The following ACAP2 variants were observed in gnomAD, a reference collection of about 807,000 sequenced individuals.
ACAP2 encodes the protein arf-GAP with coiled-coil, ANK repeat and PH domain-containing protein 2.
Under a neutral mutation model 115.8 loss-of-function variants are expected in ACAP2, and 39 were observed. The ratio of observed to expected loss-of-function variants is 0.34; its 90% CI spans 0.26 to 0.44. The LOEUF (loss-of-function observed/expected upper bound fraction) is 0.44, where lower values mean the gene tolerates loss of function less well. Ranked by LOEUF, ACAP2 falls within the 20% of genes least tolerant of loss-of-function variation. ACAP2 has a pLI of 1.00. For missense variants in ACAP2, 662 were observed against 927.6 expected, an observed-to-expected ratio of 0.71 and a Z score of 3.72; for synonymous variants, 289 against 315.8, an observed-to-expected ratio of 0.92 and a Z score of 0.90.
intron 4 of ACAP2, among the ~76,000 whole-genome samples, chr3:195,375,959 A>G (rs1733500079): frequency 6.6e-6 from 1 of 152,230 alleles, no homozygotes; most frequent in Non-Finnish European, 1.5e-5. Context: ...ATTAGAATCC[A>G]AAAGTGTCAT....
At chr3:195,414,068 C>T (rs1438961184) in intron 1 of ACAP2, among the ~76,000 whole-genome samples, 3 of 152,050 alleles carry the variant, frequency 2.0e-5, no homozygotes, top group East Asian at 1.9e-4. Context: ...AAAGATACTC[C>T]ACATAATATG....
At chr3:195,359,668 C>T (rs931318898) in intron 4 of ACAP2, among the ~76,000 whole-genome samples, 3 of 152,146 alleles carry the variant, frequency 2.0e-5, no homozygotes, top group Non-Finnish European at 2.9e-5. Context: ...GGGGCTTCAC[C>T]GTGTTAGCCA....
At chr3:195,347,411 G>A (rs1487516045) in intron 4 of ACAP2, among the ~76,000 whole-genome samples, 1 of 152,116 alleles carries the variant, frequency 6.6e-6, no homozygotes, top group Non-Finnish European at 1.5e-5. Context: ...TCTCAAAAAT[G>A]TTATTCCAAG....
intron 6 of ACAP2, among the ~76,000 whole-genome samples, chr3:195,341,255 C>T (rs1730845095): frequency 6.6e-6 from 1 of 151,722 alleles, no homozygotes; most frequent in Non-Finnish European, 1.5e-5. Flanking sequence ...TCACCAACAC[C>T]AAGCAACTTA....
intron 2 of ACAP2, among the ~76,000 whole-genome samples, chr3:195,386,083 T>C (rs954851463): frequency 6.6e-6 from 1 of 152,206 alleles, no homozygotes; most frequent in Non-Finnish European, 1.5e-5. Context: ...GACTGATACA[T>C]GCTACAACAT....
intron 3 of ACAP2, 148 bp downstream of exon 3, chr3:195,381,755 C>A: frequency 1.3e-6 from 1 of 791,498 alleles, no homozygotes; most frequent in African/African-American, 1.8e-5. Flanking sequence ...AAAACAGAAT[C>A]ATACAAGAGA....
intron 4 of ACAP2, among the ~76,000 whole-genome samples, chr3:195,365,523 T>C (rs1280709658): frequency 2.0e-5 from 3 of 151,892 alleles, no homozygotes; most frequent in Non-Finnish European, 4.4e-5. Flanking sequence ...GCTATGATCA[T>C]GCCCCTGCAC....
At position 195,388,820 on chromosome 3, in the gene ACAP2, G is replaced by A. The variant is rs546714497; in HGVS notation, c.111+3270C>T. Among the ~76,000 whole-genome samples the A allele has an allele frequency of 7.9e-5, 12 of 152,226 alleles. No homozygotes were observed. In the South Asian group the frequency reaches 1.5e-3, roughly 18 times the overall value. ...GCAGATCACCTGAGGTTAGGAGTTC[G>A]AGACCAGCCTGGCCAATATGGTGAA... is the stretch of plus-strand genomic sequence containing the variant. On this transcript the variant is annotated intron_variant, in intron 2 of 22. Coordinates refer to ENST00000326793, the MANE Select transcript of ACAP2 (RefSeq NM_012287.6).
intron 1 of ACAP2, among the ~76,000 whole-genome samples, chr3:195,424,245 G>A (rs868695758): frequency 4.3e-5 from 2 of 46,246 alleles, no homozygotes; most frequent in African/African-American, 1.6e-4. Context: ...TGTGTGTGTG[G>A]TGTGTGTGTG....
At chr3:195,347,499 A>G (rs1273952938) in intron 4 of ACAP2, among the ~76,000 whole-genome samples, 2 of 152,210 alleles carry the variant, frequency 1.3e-5, no homozygotes, top group East Asian at 1.9e-4. Flanking sequence ...TAGAAAAAGC[A>G]TAACTACTTT....
intron 20 of ACAP2, among the ~76,000 whole-genome samples, chr3:195,290,983 C>T (rs571220250): frequency 2.6e-5 from 4 of 152,174 alleles, no homozygotes; most frequent in African/African-American, 9.6e-5. Context: ...CAGTGCACTC[C>T]TGCCTAGGCA....
intron 1 of ACAP2, among the ~76,000 whole-genome samples, chr3:195,395,004 AC>A (rs1304481767): frequency 6.6e-6 from 1 of 151,036 alleles, no homozygotes; most frequent in Non-Finnish European, 1.5e-5. Flanking sequence ...GACACAAAGA[AC>A]AAAATCAATT....
chr3:195,429,378 C>CA (rs546876570), intron 1 of ACAP2, among the ~76,000 whole-genome samples: 32,091 of 88,728 alleles, frequency 0.36, 4,982 homozygotes, highest in East Asian at 0.75. Context: ...GACTCCATCT[C>CA]AAAAAAAAAA....
chr3:195,360,676 T>C (rs1380024232), intron 4 of ACAP2, among the ~76,000 whole-genome samples: 2 of 152,006 alleles, frequency 1.3e-5, no homozygotes, highest in African/African-American at 4.8e-5. Flanking sequence ...TGCCTGTAAT[T>C]CCAGCAGTTT....
chr3:195,304,515 C>T, intron 13 of ACAP2, among the ~76,000 whole-genome samples: 1 of 152,118 alleles, frequency 6.6e-6, no homozygotes, highest in East Asian at 1.9e-4. Context: ...CTGTCGCTGC[C>T]CCCCATCTCC....
chr3:195,401,032 T>G (rs555911169), intron 1 of ACAP2, among the ~76,000 whole-genome samples: 5 of 152,362 alleles, frequency 3.3e-5, no homozygotes, highest in African/African-American at 1.2e-4. Context: ...ACTCCGTCTC[T>G]GTAATTAACT....
rs1221705690 is a variant in ACAP2 at position 195,278,615 on chromosome 3, T to G, written c.*713A>C. On this transcript the variant is annotated 3_prime_UTR_variant, in exon 23 of 23. Coordinates refer to ENST00000326793, the MANE Select transcript of ACAP2 (RefSeq NM_012287.6). ...ACACATTTTGAACTGGGGTTTTTTT[T>G]TGTGATTAAAAAAAAAAAAGAGCTT... is the stretch of plus-strand genomic sequence containing the variant. The G allele has an allele frequency of 7.1e-5, 10 of 141,532 alleles. No individual in the cohort carries two copies. The highest frequency in any genetic ancestry group is 1.5e-4 in the Non-Finnish European group (10 of 65,782). 8.8% of individuals were successfully genotyped at this position (141,532 alleles called of 1,614,324 possible).
In ACAP2 at chr3:195,363,955, C is replaced by T. The variant is rs116820797; in HGVS notation, c.285+17054G>A. ...CCTATCTCTTGCCATATATAAATAT[C>T]AAATCAAAGTGGATTAAAGACTTTA... On this transcript the variant is annotated intron_variant, in intron 4 of 22. Coordinates refer to ENST00000326793, the MANE Select transcript of ACAP2 (RefSeq NM_012287.6). Among the ~76,000 whole-genome samples the T allele has an allele frequency of 6.0e-3, 919 of 152,226 alleles. 9 individuals carry two copies. Among genetic ancestry groups the T allele is most frequent in the African/African-American group, 0.021 (876 of 41,536 alleles).
intron 13 of ACAP2, among the ~76,000 whole-genome samples, chr3:195,302,962 C>T (rs1728165318): frequency 6.6e-6 from 1 of 152,014 alleles, no homozygotes; most frequent in Admixed American, 6.6e-5. Context: ...GTCTGTAATC[C>T]CAACACTTTG....
Sources: allele counts gnomAD v4.1 joint callset (sites outside exome capture counted in the v4.1 genomes callset), GRCh38; gene constraint gnomAD v4.1.1; transcripts MANE v1.5; gene names NCBI Gene and HGNC (gene_info 2026-07-23, HGNC 2026-07-21).